R3HDM2: variants seen among roughly 807,000 people sequenced by gnomAD.
R3HDM2 encodes R3H domain containing 2.
In R3HDM2, 38 loss-of-function variants were observed where a neutral mutation model predicts 124.5. The ratio of observed to expected loss-of-function variants is 0.31; its 90% CI spans 0.24 to 0.40. The LOEUF (loss-of-function observed/expected upper bound fraction) is 0.40. R3HDM2 is among the 10% of genes least tolerant of loss of function. The probability of loss-of-function intolerance (pLI) is 1.00; values close to 1 mark genes in which losing one functional copy is unlikely to be tolerated. For synonymous variants in R3HDM2, 391 were observed against 448.0 expected, an observed-to-expected ratio of 0.87 and a Z score of 1.61; for missense variants, 869 against 1,236.9, an observed-to-expected ratio of 0.70 and a Z score of 4.46.
At chr12:57,323,295 C>T (rs1339999256) in intron 2 of R3HDM2, among the ~76,000 whole-genome samples, 2 of 152,126 alleles carry the variant, frequency 1.3e-5, no homozygotes, top group Non-Finnish European at 2.9e-5. Context: ...GAAGGTCCTA[C>T]TGAGTTATGA....
chr12:57,299,041 TGGA>T (rs1256515232), intron 6 of R3HDM2, among the ~76,000 whole-genome samples: 5 of 152,194 alleles, frequency 3.3e-5, no homozygotes, highest in Non-Finnish European at 5.9e-5. Flanking sequence ...AAATGGCATC[TGGA>T]GGATTTGCTA....
At chr12:57,344,731 G>A (rs2059919799) in intron 2 of R3HDM2, among the ~76,000 whole-genome samples, 1 of 152,010 alleles carries the variant, frequency 6.6e-6, no homozygotes, top group Non-Finnish European at 1.5e-5. Context: ...AATGACAGGG[G>A]AAAGAGTCAA....
chr12:57,407,254 GAA>G (rs141913606), intron 1 of R3HDM2, among the ~76,000 whole-genome samples: 3 of 125,034 alleles, frequency 2.4e-5, no homozygotes, highest in Admixed American at 7.8e-5. Flanking sequence ...CTTCTCAAGA[GAA>G]AAAAAAAAAA....
chr12:57,338,131 CT>C (rs1475828098), intron 2 of R3HDM2, among the ~76,000 whole-genome samples: 3 of 152,084 alleles, frequency 2.0e-5, no homozygotes, highest in Non-Finnish European at 4.4e-5. Flanking sequence ...TGGAGAAACC[CT>C]GTCTCTACTA....
chr12:57,343,933 G>A (rs1209511334), intron 2 of R3HDM2, among the ~76,000 whole-genome samples: 2 of 152,038 alleles, frequency 1.3e-5, no homozygotes, highest in African/African-American at 4.8e-5. Context: ...GCAGATGAAT[G>A]ACATGTTTTT....
intron 13 of R3HDM2, among the ~76,000 whole-genome samples, chr12:57,280,944 T>C (rs200722261): frequency 7.8e-6 from 1 of 127,546 alleles, no homozygotes; most frequent in African/African-American, 2.9e-5. Context: ...GAGAGAGAGA[T>C]CTGTCTTCTC....
intron 2 of R3HDM2, among the ~76,000 whole-genome samples, chr12:57,366,844 C>A (rs1411229522): frequency 6.6e-6 from 1 of 152,100 alleles, no homozygotes; most frequent in African/African-American, 2.4e-5. Context: ...CGCCCGCCAC[C>A]ACGCCCAGGT....
intron 1 of R3HDM2, among the ~76,000 whole-genome samples, chr12:57,422,830 T>A (rs1343085961): frequency 6.6e-6 from 1 of 151,736 alleles, no homozygotes; most frequent in Non-Finnish European, 1.5e-5. Flanking sequence ...AATTAAAAAA[T>A]AAAATTAGCT....
intron 1 of R3HDM2, among the ~76,000 whole-genome samples, chr12:57,421,479 A>C (rs1438291847): frequency 4.7e-5 from 6 of 126,928 alleles, no homozygotes; most frequent in Admixed American, 2.7e-4. Context: ...TTTTAAAGAC[A>C]GGGTCATCAC....
chr12:57,305,250 T>A (rs1293488838), intron 3 of R3HDM2, among the ~76,000 whole-genome samples: 2 of 152,154 alleles, frequency 1.3e-5, no homozygotes, highest in African/African-American at 4.8e-5. Flanking sequence ...TTAAACTTTT[T>A]TTCATGAGTA....
chr12:57,312,454 G>C (rs879297405), intron 2 of R3HDM2, among the ~76,000 whole-genome samples: 10 of 152,102 alleles, frequency 6.6e-5, no homozygotes, highest in Admixed American at 6.6e-4. Context: ...AGAAGGCTGT[G>C]GTTAGAGTAC....
At chr12:57,311,300 A>C (rs897676722) in intron 2 of R3HDM2, among the ~76,000 whole-genome samples, 1 of 151,910 alleles carries the variant, frequency 6.6e-6, no homozygotes, top group African/African-American at 2.4e-5. Flanking sequence ...ATCTCGGCTC[A>C]CTGTAAGCTC....
chr12:57,368,694 T>C (rs1181959591), intron 2 of R3HDM2, among the ~76,000 whole-genome samples: 1 of 152,140 alleles, frequency 6.6e-6, no homozygotes, highest in Non-Finnish European at 1.5e-5. Context: ...ATGACTCCAC[T>C]GGGAAAGGAA....
chr12:57,326,691 A>G (rs2057353546), intron 2 of R3HDM2, among the ~76,000 whole-genome samples: 1 of 152,238 alleles, frequency 6.6e-6, no homozygotes, highest in Admixed American at 6.5e-5. Flanking sequence ...AGTGTAGACA[A>G]AAGAGCCTTT....
chr12:57,318,334 A>G (rs2055626879), intron 2 of R3HDM2, among the ~76,000 whole-genome samples: 1 of 152,010 alleles, frequency 6.6e-6, no homozygotes, highest in South Asian at 2.1e-4. Flanking sequence ...CCAGGCAGAG[A>G]AGTCCAGCTC....
At chr12:57,346,020 C>T (rs1295028780) in intron 2 of R3HDM2, among the ~76,000 whole-genome samples, 1 of 151,920 alleles carries the variant, frequency 6.6e-6, no homozygotes, top group Non-Finnish European at 1.5e-5. Flanking sequence ...ATTAGCCGGG[C>T]GTGGTGGTGG....
intron 1 of R3HDM2, among the ~76,000 whole-genome samples, chr12:57,423,529 C>T (rs538124728): frequency 6.6e-6 from 1 of 151,538 alleles, no homozygotes; most frequent in Non-Finnish European, 1.5e-5. Context: ...GCATTAGAAA[C>T]TTTAAGTGGG....
At chr12:57,404,806 G>A (rs931254794) in intron 1 of R3HDM2, among the ~76,000 whole-genome samples, 2 of 151,924 alleles carry the variant, frequency 1.3e-5, no homozygotes, top group Non-Finnish European at 2.9e-5. Context: ...TCACTTGAAC[G>A]CAGGAGTTCA....
chr12:57,370,881 A>G (rs1314317277), intron 2 of R3HDM2, among the ~76,000 whole-genome samples: 4 of 152,106 alleles, frequency 2.6e-5, no homozygotes, highest in African/African-American at 9.7e-5. Flanking sequence ...GCTGAGAAAT[A>G]TGGGATTTAT....
Sources: gnomAD v4.1 joint callset for allele counts (sites outside exome capture counted in the v4.1 genomes callset) on GRCh38, gnomAD v4.1.1 for gene constraint, MANE v1.5 for transcripts, NCBI Gene and HGNC (gene_info 2026-07-23, HGNC 2026-07-21) for gene names.